Variants in GCH1 observed in about 807,000 individuals in gnomAD.
GCH1 encodes the protein GTP cyclohydrolase 1.
In GCH1, 5 loss-of-function variants were observed where a neutral mutation model predicts 25.9. The ratio of observed to expected loss-of-function variants is 0.19; its 90% confidence interval spans 0.10 to 0.41. The LOEUF (loss-of-function observed/expected upper bound fraction) is 0.41, where lower values mean the gene tolerates loss of function less well. GCH1 is among the 10% of genes least tolerant of loss of function. The pLI, the probability that GCH1 is intolerant of heterozygous loss-of-function variation, is 1.00. For missense variants in GCH1, 261 were observed against 336.5 expected (o/e 0.78, Z 1.75); for synonymous variants, 159 against 129.6 (o/e 1.23, Z -1.54).
chr14:54,850,504 T>C (rs2039712300), intron 3 of GCH1, among the ~76,000 whole-genome samples: 1 of 151,946 alleles, frequency 6.6e-6, no homozygotes, highest in Non-Finnish European at 1.5e-5. Flanking sequence ...TAATTATTAT[T>C]ATACTTTAAG....
chr14:54,881,991 CGTA>C (rs1371961305), intron 1 of GCH1, among the ~76,000 whole-genome samples: 1 of 152,166 alleles, frequency 6.6e-6, no homozygotes, highest in Admixed American at 6.5e-5. Context: ...CAAGTTTTCA[CGTA>C]TAAAGTTATC....
At chr14:54,850,048 C>A (rs902554084) in intron 3 of GCH1, among the ~76,000 whole-genome samples, 3 of 152,060 alleles carry the variant, frequency 2.0e-5, no homozygotes, top group African/African-American at 7.2e-5. Context: ...AATCTTAGCT[C>A]ATTGGAACCT....
intron 1 of GCH1, chr14:54,885,351 G>A (rs2040336555): frequency 3.8e-6 from 1 of 263,208 alleles, no homozygotes; most frequent in Non-Finnish European, 7.8e-6. Flanking sequence ...CATTGCTCTG[G>A]GGGGCTGTGA....
intron 2 of GCH1, among the ~76,000 whole-genome samples, chr14:54,862,612 G>GTT (rs2039919396): frequency 1.1e-5 from 1 of 89,368 alleles, no homozygotes. Flanking sequence ...TTTTTTGGTT[G>GTT]GTTTTTTTTT....
At chr14:54,869,439 T>A (rs372589711) in intron 1 of GCH1, among the ~76,000 whole-genome samples, 1 of 152,192 alleles carries the variant, frequency 6.6e-6, no homozygotes, top group Non-Finnish European at 1.5e-5. Context: ...CTCTCTACTA[T>A]CTTTATAATT....
At chr14:54,891,565 A>G (rs1197748841) in intron 1 of GCH1, among the ~76,000 whole-genome samples, 4 of 151,932 alleles carry the variant, frequency 2.6e-5, no homozygotes, top group South Asian at 2.1e-4. Flanking sequence ...ACATGCCACT[A>G]TGCCTGCTTA....
chr14:54,867,589 CAAAAAAAAA>C lies in GCH1; in HGVS notation c.344-2162_344-2154del, dbSNP rs1029899399. Among the ~76,000 whole-genome samples, 281 of 46,646 alleles carry C rather than the reference CAAAAAAAAA, an allele frequency of 6.0e-3. 3 individuals carry two copies. Among genetic ancestry groups the C allele is most frequent in the African/African-American group, 0.021 (263 of 12,248 alleles). 30.6% of individuals were successfully genotyped at this position (46,646 alleles called of 152,430 possible). ...GGCAAGAGAGAACAAGACTCCGTCT[CAAAAAAAAA>C]AAAAAAAAAAAAAAAAGATCTGGCT... is the stretch of plus-strand genomic sequence containing the variant. On this transcript the variant is annotated intron_variant, in intron 1 of 5. Coordinates refer to ENST00000491895, the MANE Select transcript of GCH1 (RefSeq NM_000161.3).
At chr14:54,895,307 G>A (rs2040470852) in intron 1 of GCH1, among the ~76,000 whole-genome samples, 1 of 152,168 alleles carries the variant, frequency 6.6e-6, no homozygotes, top group Non-Finnish European at 1.5e-5. Context: ...CCTCACGCTG[G>A]ATTATATGCA....
chr14:54,866,126 A>G (rs1468594426), intron 1 of GCH1, among the ~76,000 whole-genome samples: 2 of 152,124 alleles, frequency 1.3e-5, no homozygotes, highest in Non-Finnish European at 2.9e-5. Context: ...AAAAAAAAAA[A>G]AAGCTTTATT....
intron 1 of GCH1, among the ~76,000 whole-genome samples, chr14:54,897,728 C>T (rs1326500642): frequency 6.6e-6 from 1 of 152,130 alleles, no homozygotes; most frequent in Non-Finnish European, 1.5e-5. Flanking sequence ...ATTCAAATAC[C>T]AGCTCTACTA....
At position 54,902,399 on chromosome 14, in the gene GCH1, G is replaced by T. The variant is rs1293402606; in HGVS notation, c.265C>A (p.Gln89Lys). ...LSSLGENPQR[Q>K]GLLKTPWRAA... ...CTCCAGGGCGTCTTGAGCAGCCCTT[G>T]CCGCTGGGGGTTCTCGCCCAGCGAG... is the stretch of plus-strand genomic sequence containing the variant. Residue 89 changes from glutamine to lysine, a missense_variant, in exon 1 of 6, where the codon CAA (glutamine) becomes AAA (lysine). Transcript: ENST00000491895. The T allele has an allele frequency of 6.2e-7, 1 of 1,613,166 alleles. No individual in the cohort carries two copies. The highest frequency in any genetic ancestry group is 2.2e-5 in the East Asian group (1 of 44,846).
At chr14:54,889,872 GA>G (rs541887873) in intron 1 of GCH1, among the ~76,000 whole-genome samples, 290 of 152,240 alleles carry the variant, frequency 1.9e-3, no homozygotes, top group Non-Finnish European at 2.4e-3. Flanking sequence ...TGCCCTATAT[GA>G]GGAAATGCGA....
In GCH1 at chr14:54,902,751, G is replaced by A. The variant is rs2040590040; in HGVS notation, c.-88C>T. 1 of 1,366,328 alleles carries A rather than the reference G, an allele frequency of 7.3e-7. No homozygotes were observed. Among genetic ancestry groups the A allele is most frequent in the African/African-American group, 1.5e-5 (1 of 65,696 alleles). 84.6% of individuals were successfully genotyped at this position (1,366,328 alleles called of 1,614,324 possible). On this transcript the variant is annotated 5_prime_UTR_variant, in exon 1 of 6. Transcript: ENST00000491895. Reference sequence around the variant, plus strand: ...ACTCCGCCGGTGGCCGCGGACAATGGGCTGTGGCCGGAGTCACCTGAGGAA... The same window carrying A: ...ACTCCGCCGGTGGCCGCGGACAATGAGCTGTGGCCGGAGTCACCTGAGGAA...
chr14:54,879,392 G>C (rs534074191), intron 1 of GCH1, among the ~76,000 whole-genome samples: 1 of 128,512 alleles, frequency 7.8e-6, no homozygotes, highest in South Asian at 2.5e-4. Flanking sequence ...CTGCACTCCA[G>C]CCTGGGCAAC....
Position 54,865,403 on chromosome 14 carries a change from T to A in GCH1, c.377A>T (p.His126Leu). The change falls in exon 2 of 6, where the codon CAT becomes CTT. Residue 126 changes from histidine (H) to leucine (L), a missense_variant. Transcript: ENST00000491895. ...GTCCTTCACAATCACCATCTCATCA[T>A]GATCTTCATCAAATATAGCATCGTT... ...VLNDAIFDED[H>L]DEMVIVKDID... 6.3e-7 allele frequency: 1 copy of A among 1,586,014 alleles called. No homozygotes were observed. Among genetic ancestry groups the A allele is most frequent in the Non-Finnish European group, 8.7e-7 (1 of 1,154,826 alleles).
At chr14:54,846,133 T>C (rs2039638464) in intron 4 of GCH1, among the ~76,000 whole-genome samples, 1 of 152,170 alleles carries the variant, frequency 6.6e-6, no homozygotes, top group Non-Finnish European at 1.5e-5. Flanking sequence ...ATCTCATACC[T>C]GTGCAGTTAG....
chr14:54,847,683 T>A (rs1191786522), intron 3 of GCH1, among the ~76,000 whole-genome samples: 1 of 151,522 alleles, frequency 6.6e-6, no homozygotes, highest in East Asian at 1.9e-4. Context: ...TATATATATA[T>A]CTCCTATTAG....
At chr14:54,870,332 T>C (rs1171263542) in intron 1 of GCH1, among the ~76,000 whole-genome samples, 1 of 111,140 alleles carries the variant, frequency 9.0e-6, no homozygotes, top group East Asian at 2.6e-4. Flanking sequence ...ACTCTGTTTT[T>C]ACCAAAAAAA....
At chr14:54,900,842 A>ATC (rs1022835010) in intron 1 of GCH1, among the ~76,000 whole-genome samples, 4 of 95,202 alleles carry the variant, frequency 4.2e-5, no homozygotes, top group Non-Finnish European at 4.1e-5. Flanking sequence ...ATTGTGAAAT[A>ATC]TCTCACACAC....
Sources: gnomAD v4.1 joint callset for allele counts (sites outside exome capture counted in the v4.1 genomes callset) on GRCh38, gnomAD v4.1.1 for gene constraint, MANE v1.5 for transcripts, NCBI Gene and HGNC (gene_info 2026-07-23, HGNC 2026-07-21) for gene names.